Variants in ADAMTSL1 observed in about 807,000 individuals in gnomAD.
The protein encoded by ADAMTSL1 is ADAMTS like 1, also known as ADAMTS-like protein 1.
Under a neutral mutation model 201.8 loss-of-function variants are expected in ADAMTSL1, and 126 were observed. The ratio of observed to expected loss-of-function variants is 0.62; its 90% CI spans 0.54 to 0.72. The LOEUF (loss-of-function observed/expected upper bound fraction) is 0.72. Ranked by LOEUF, ADAMTSL1 falls within the 30% of genes least tolerant of loss-of-function variation. The probability of loss-of-function intolerance (pLI) is 0.00; values close to 1 mark genes in which losing one functional copy is unlikely to be tolerated. For missense variants in ADAMTSL1, 2,679 were observed against 2,277.8 expected (o/e 1.18, Z -3.59); for synonymous variants, 1,121 against 903.4 (o/e 1.24, Z -4.32).
At chr9:18,624,116 A>T (rs912290252) in intron 5 of ADAMTSL1, among the ~76,000 whole-genome samples, 4 of 152,198 alleles carry the variant, frequency 2.6e-5, no homozygotes, top group African/African-American at 4.8e-5. Context: ...AAAATTGGAG[A>T]TACCAGTTTA....
chr9:18,664,321 T>G (rs1267337778), intron 9 of ADAMTSL1, among the ~76,000 whole-genome samples: 3 of 151,998 alleles, frequency 2.0e-5, no homozygotes, highest in Non-Finnish European at 4.4e-5. Flanking sequence ...TTAGATAGAA[T>G]AGACTCCAGA....
chr9:18,444,771 T>G (rs970995999), intron 2 of ADAMTSL1, among the ~76,000 whole-genome samples: 10 of 152,182 alleles, frequency 6.6e-5, no homozygotes, highest in Admixed American at 6.5e-4. Context: ...TCCTTAAAAC[T>G]TTTGTTCAAG....
rs374591032 is a variant in ADAMTSL1, at chr9:18,863,410, G to C, written c.4250-24421G>C. On this transcript the variant is annotated intron_variant, in intron 23 of 28. Transcript: ENST00000380548. ...TTACGCTAGGGGTGAAGAGACATTT[G>C]GGGAATGGAAAATGGGCTTGGATAG... 3.9e-5 allele frequency among the ~76,000 whole-genome samples: 6 copies of C among 152,288 alleles called. No homozygotes were observed. The East Asian group carries it at 9.6e-4, about 24-fold the overall frequency.
chr9:18,285,097 T>G (rs1832944803), intron 2 of ADAMTSL1, among the ~76,000 whole-genome samples: 1 of 152,178 alleles, frequency 6.6e-6, no homozygotes. Context: ...ATTTTTAAAG[T>G]TGTTTTTAAG....
chr9:18,696,886 T>TTATTAC lies in ADAMTSL1; in HGVS notation c.1575-9856_1575-9855insCTATTA, dbSNP rs1170665231. Among the ~76,000 whole-genome samples the TTATTAC allele has an allele frequency of 4.5e-3, 677 of 149,204 alleles. 3 individuals carry two copies. Among genetic ancestry groups the TTATTAC allele is most frequent in the African/African-American group, 0.016 (644 of 40,778 alleles). ...AAAAATATTATTATTATTATTATTA[T>TTATTAC]TATTATTATTTTGAGATGGAGTCTT... On this transcript the variant is annotated intron_variant, in intron 13 of 28. Transcript: ENST00000380548.
At chr9:18,313,736 A>G (rs1158909623) in intron 2 of ADAMTSL1, among the ~76,000 whole-genome samples, 3 of 152,146 alleles carry the variant, frequency 2.0e-5, no homozygotes, top group African/African-American at 7.2e-5. Flanking sequence ...AGTTTCCTAG[A>G]GGAAAGTATA....
intron 1 of ADAMTSL1, among the ~76,000 whole-genome samples, chr9:18,007,601 G>C (rs1819880957): frequency 6.6e-6 from 1 of 151,976 alleles, no homozygotes; most frequent in South Asian, 2.1e-4. Context: ...ATAAGCCCCA[G>C]AGTGCATGAT....
intron 13 of ADAMTSL1, among the ~76,000 whole-genome samples, chr9:18,688,689 A>AAAAAAATATATATATATATATAT (rs1554730404): frequency 1.2e-4 from 1 of 8,646 alleles, no homozygotes; most frequent in Non-Finnish European, 2.2e-4. Flanking sequence ...AAAAAAAAAA[A>AAAAAAATATATATATATATATAT]ATATATATAT....
intron 1 of ADAMTSL1, among the ~76,000 whole-genome samples, chr9:17,966,214 G>A (rs574647442): frequency 4.0e-4 from 61 of 152,240 alleles, no homozygotes; most frequent in African/African-American, 1.5e-3. Context: ...AAGGAAACAA[G>A]CCCATAGGAA....
At chr9:18,637,597 C>A (rs368042669) in intron 6 of ADAMTSL1, among the ~76,000 whole-genome samples, 1 of 152,084 alleles carries the variant, frequency 6.6e-6, no homozygotes, top group Non-Finnish European at 1.5e-5. Flanking sequence ...CAAACTGGAA[C>A]CTGCTTTTTT....
chr9:18,466,269 G>T (rs919024996), intron 2 of ADAMTSL1, among the ~76,000 whole-genome samples: 6 of 152,082 alleles, frequency 3.9e-5, no homozygotes, highest in Admixed American at 6.5e-5. Context: ...TCAGTTGCAC[G>T]TCATATTTTT....
intron 21 of ADAMTSL1, among the ~76,000 whole-genome samples, chr9:18,823,402 TCAAA>T (rs1824331824): frequency 6.6e-6 from 1 of 152,112 alleles, no homozygotes; most frequent in South Asian, 2.1e-4. Context: ...TCCTGTCCTC[TCAAA>T]CAAGCACAAT....
chr9:18,143,722 T>C (rs1826503442), intron 1 of ADAMTSL1, among the ~76,000 whole-genome samples: 1 of 152,202 alleles, frequency 6.6e-6, no homozygotes, highest in Non-Finnish European at 1.5e-5. Flanking sequence ...TTTGTTTCTT[T>C]TATCCCTGGC....
intron 1 of ADAMTSL1, among the ~76,000 whole-genome samples, chr9:17,974,222 C>T (rs1818343560): frequency 6.6e-6 from 1 of 151,952 alleles, no homozygotes. Flanking sequence ...TCCTATTCAA[C>T]ATAGTGTTGG....
At chr9:18,172,539 T>C (rs1827947008) in intron 2 of ADAMTSL1, among the ~76,000 whole-genome samples, 1 of 152,102 alleles carries the variant, frequency 6.6e-6, no homozygotes, top group Non-Finnish European at 1.5e-5. Flanking sequence ...GGTGGGAGCA[T>C]AAATTGGTAT....
At chr9:18,803,400 A>G (rs185094474) in intron 20 of ADAMTSL1, among the ~76,000 whole-genome samples, 106 of 152,314 alleles carry the variant, frequency 7.0e-4, no homozygotes, top group Non-Finnish European at 1.1e-3. Context: ...CAACTCTGAT[A>G]TTAAGAGCTC....
At chr9:18,296,995 C>G (rs1048319206) in intron 2 of ADAMTSL1, among the ~76,000 whole-genome samples, 3 of 152,112 alleles carry the variant, frequency 2.0e-5, no homozygotes, top group Non-Finnish European at 2.9e-5. Flanking sequence ...ACCACCACCA[C>G]CTCCACCAGG....
chr9:18,386,074 G>GT (rs776132168), intron 2 of ADAMTSL1, among the ~76,000 whole-genome samples: 5 of 152,060 alleles, frequency 3.3e-5, no homozygotes, highest in Admixed American at 6.6e-5. Context: ...GTGCTTAACT[G>GT]TTTTTTTAAA....
intron 1 of ADAMTSL1, among the ~76,000 whole-genome samples, chr9:17,914,115 C>G (rs544857163): frequency 5.9e-5 from 9 of 152,192 alleles, no homozygotes; most frequent in Non-Finnish European, 1.2e-4. Context: ...GGTACCATTC[C>G]TTCTGAAACT....
Sources: allele counts gnomAD v4.1 joint callset (sites outside exome capture counted in the v4.1 genomes callset), GRCh38; gene constraint gnomAD v4.1.1; transcripts MANE v1.5; gene names NCBI Gene and HGNC (gene_info 2026-07-23, HGNC 2026-07-21).